Variants in ZFAND3 observed in about 807,000 individuals in gnomAD.
ZFAND3 encodes the protein zinc finger AN1-type containing 3, also known as AN1-type zinc finger protein 3.
Under a neutral mutation model 29.6 loss-of-function variants are expected in ZFAND3, and 10 were observed. The observed-to-expected ratio is 0.34, with a 90% CI of 0.21 to 0.57. The LOEUF is 0.57. Ranked by LOEUF, ZFAND3 falls within the 20% of genes least tolerant of loss-of-function variation. The pLI is 0.86. For synonymous variants in ZFAND3, 128 were observed against 112.6 expected (o/e 1.14, Z -0.87); for missense variants, 230 against 304.5 (o/e 0.76, Z 1.82).
chr6:38,078,525 G>C (rs1764596227), intron 3 of ZFAND3, among the ~76,000 whole-genome samples: 1 of 152,186 alleles, frequency 6.6e-6, no homozygotes, highest in African/African-American at 2.4e-5. Context: ...TTGGCTAAAA[G>C]TTATTTCAGG....
chr6:37,985,523 A>ACACACACCCC (rs1224329326), intron 2 of ZFAND3, among the ~76,000 whole-genome samples: 3 of 148,050 alleles, frequency 2.0e-5, no homozygotes, highest in Admixed American at 6.7e-5. Flanking sequence ...ACACACACAC[A>ACACACACCCC]CACACCCCCA....
chr6:38,118,283 T>C (rs1765460097), intron 5 of ZFAND3, among the ~76,000 whole-genome samples: 1 of 152,230 alleles, frequency 6.6e-6, no homozygotes, highest in South Asian at 2.1e-4. Flanking sequence ...GAGGAAACTC[T>C]GGGCTCTGCT....
At chr6:37,860,313 C>T (rs923344926) in intron 1 of ZFAND3, among the ~76,000 whole-genome samples, 1 of 151,242 alleles carries the variant, frequency 6.6e-6, no homozygotes. Context: ...TGCATGGCCT[C>T]CAGTAGTTTT....
chr6:38,103,443 ATATATATACACACATATATACACG>A (rs1765139788), intron 4 of ZFAND3, among the ~76,000 whole-genome samples: 3 of 71,848 alleles, frequency 4.2e-5, no homozygotes, highest in Admixed American at 2.7e-4. Flanking sequence ...ATACACGTGT[ATATATATACACACATATATACACG>A]TGTATATATA....
At chr6:37,902,456 C>T (rs960153591) in intron 1 of ZFAND3, among the ~76,000 whole-genome samples, 2 of 152,058 alleles carry the variant, frequency 1.3e-5, no homozygotes, top group African/African-American at 4.8e-5. Flanking sequence ...CTGCCATGCA[C>T]TCTAGCCTGA....
intron 3 of ZFAND3, among the ~76,000 whole-genome samples, chr6:38,077,048 A>G (rs1764567823): frequency 1.3e-5 from 2 of 152,176 alleles, no homozygotes; most frequent in South Asian, 4.1e-4. Flanking sequence ...CTTAACATGG[A>G]CACATCAGGA....
intron 1 of ZFAND3, among the ~76,000 whole-genome samples, chr6:37,886,237 C>CAAA (rs55661554): frequency 7.3e-5 from 7 of 95,296 alleles, no homozygotes; most frequent in East Asian, 2.9e-4. Context: ...GACTCTGTCT[C>CAAA]AAAAAAAAAA....
chr6:37,959,222 A>G (rs1581792633), intron 2 of ZFAND3, among the ~76,000 whole-genome samples: 1 of 152,248 alleles, frequency 6.6e-6, no homozygotes, highest in Non-Finnish European at 1.5e-5. Context: ...TGGTTTGTAA[A>G]TCAGGCTCCA....
chr6:38,030,028 T>A (rs909964937), intron 2 of ZFAND3, among the ~76,000 whole-genome samples: 1 of 131,576 alleles, frequency 7.6e-6, no homozygotes, highest in African/African-American at 2.8e-5. Context: ...TTCTTTAGCA[T>A]TTCTTGTTAT....
intron 3 of ZFAND3, among the ~76,000 whole-genome samples, chr6:38,071,087 CAA>C (rs1764445248): frequency 6.7e-6 from 1 of 150,122 alleles, no homozygotes; most frequent in South Asian, 2.1e-4. Flanking sequence ...ATATATGTAA[CAA>C]ATTCTGGATA....
intron 2 of ZFAND3, among the ~76,000 whole-genome samples, chr6:38,001,288 C>A (rs6933547): frequency 0.67 from 101,317 of 152,084 alleles, 33,847 homozygotes; most frequent in East Asian, 0.77. Flanking sequence ...TTATTTCTGA[C>A]ACTGGTTCAC....
chr6:38,136,995 A>G (rs1327924755), intron 5 of ZFAND3, among the ~76,000 whole-genome samples: 2 of 152,224 alleles, frequency 1.3e-5, no homozygotes, highest in African/African-American at 4.8e-5. Context: ...TTTCCATGGA[A>G]TCTGGAGTAA....
At chr6:37,873,838 TA>T (rs1224533246) in intron 1 of ZFAND3, among the ~76,000 whole-genome samples, 1 of 152,210 alleles carries the variant, frequency 6.6e-6, no homozygotes, top group Non-Finnish European at 1.5e-5. Flanking sequence ...TTGTCATAGG[TA>T]ATACATAAAC....
intron 5 of ZFAND3, among the ~76,000 whole-genome samples, chr6:38,148,587 A>C (rs1766156383): frequency 6.6e-6 from 1 of 152,198 alleles, no homozygotes; most frequent in African/African-American, 2.4e-5. Flanking sequence ...GCCTGGACTC[A>C]TCTCTCTCCT....
chr6:38,014,105 A>C (rs922826116), intron 2 of ZFAND3, among the ~76,000 whole-genome samples: 59 of 152,102 alleles, frequency 3.9e-4, no homozygotes, highest in African/African-American at 1.3e-3. Context: ...GAGAGAGAGA[A>C]TGAGAATGGT....
At chr6:37,911,540 T>C (rs551149602) in intron 1 of ZFAND3, among the ~76,000 whole-genome samples, 69 of 152,332 alleles carry the variant, frequency 4.5e-4, no homozygotes, top group African/African-American at 1.6e-3. Context: ...GTATAATCTT[T>C]CCAGATTTAT....
Position 38,068,140 on chromosome 6 carries a change from C to CTA in ZFAND3, c.295+6365_295+6366insTA, listed in dbSNP as rs772496498. Among the ~76,000 whole-genome samples the CTA allele has an allele frequency of 1.6e-3, 243 of 152,276 alleles. 1 individual carries two copies. The highest frequency in any genetic ancestry group is 3.0e-3 in the Non-Finnish European group (205 of 68,028). ...GTACATACTAAGAATTAAACAGCAA[C>CTA]CAGCTCTTACATAAAACTATAGTTT... On this transcript the variant is annotated intron_variant, in intron 3 of 5. Coordinates refer to ENST00000287218, the MANE Select transcript of ZFAND3 (RefSeq NM_021943.3).
chr6:38,144,962 C>T (rs1191845665), intron 5 of ZFAND3, among the ~76,000 whole-genome samples: 1 of 152,226 alleles, frequency 6.6e-6, no homozygotes, highest in Non-Finnish European at 1.5e-5. Flanking sequence ...TGACTTTCAG[C>T]ATCACCTTCT....
intron 4 of ZFAND3, among the ~76,000 whole-genome samples, chr6:38,091,650 A>G (rs1764873573): frequency 6.6e-6 from 1 of 151,024 alleles, no homozygotes; most frequent in Non-Finnish European, 1.5e-5. Context: ...GCAACATTAT[A>G]AATCGTCTGA....
Sources: allele counts gnomAD v4.1 joint callset (sites outside exome capture counted in the v4.1 genomes callset), GRCh38; gene constraint gnomAD v4.1.1; transcripts MANE v1.5; gene names NCBI Gene and HGNC (gene_info 2026-07-23, HGNC 2026-07-21).